NAA16: variants seen among roughly 807,000 people sequenced by gnomAD.
NAA16 encodes the protein N-alpha-acetyltransferase 16, NatA auxiliary subunit.
A neutral mutation model predicts 110.3 loss-of-function variants in NAA16; 97 were observed. The ratio of observed to expected loss-of-function variants is 0.88; its 90% confidence interval spans 0.75 to 1.04. The LOEUF (loss-of-function observed/expected upper bound fraction) is 1.04, where lower values mean the gene tolerates loss of function less well. Ranked by LOEUF, NAA16 falls within the 50% of genes least tolerant of loss-of-function variation. The pLI is 0.00. For synonymous variants in NAA16, 372 were observed against 330.6 expected, an observed-to-expected ratio of 1.13 and a Z score of -1.36; for missense variants, 1,017 against 1,005.1, an observed-to-expected ratio of 1.01 and a Z score of -0.16.
rs2043375772 is a variant in NAA16 at position 41,373,938 on chromosome 13, CAG to C, written c.2299+159_2299+160del. ...AAGTTATGTTCAATAATAGGGGAAA[CAG>C]GGATGGATTCACAGGATGTAATACC... On this transcript the variant is annotated intron_variant, in intron 18 of 19. Transcript: ENST00000379406. 14 of 1,198,894 alleles carry C rather than the reference CAG, an allele frequency of 1.2e-5. No homozygotes were observed. The South Asian group carries it at 1.3e-4, about 11-fold the overall frequency. The allele number at this position is 1,198,894 out of a possible 1,614,324, so 74.3% of individuals were successfully genotyped here. A position where few individuals can be genotyped will look rare whatever the true frequency, so the allele number is the denominator to read the frequency against.
At chr13:41,316,059 A>C (rs1372943166) in intron 1 of NAA16, among the ~76,000 whole-genome samples, 1 of 152,164 alleles carries the variant, frequency 6.6e-6, no homozygotes, top group Non-Finnish European at 1.5e-5. Flanking sequence ...GAATTAAAAA[A>C]TTCTGTGTAC....
intron 10 of NAA16, among the ~76,000 whole-genome samples, chr13:41,357,784 G>T (rs933586272): frequency 6.6e-6 from 1 of 152,122 alleles, no homozygotes; most frequent in African/African-American, 2.4e-5. Flanking sequence ...TTCTACTTAG[G>T]TTTTTGTCAG....
chr13:41,362,198 G>A (rs368225699), intron 13 of NAA16, 39 bp downstream of exon 13: 2 of 1,561,356 alleles, frequency 1.3e-6, no homozygotes, highest in African/African-American at 2.8e-5. Flanking sequence ...TTCACTGTAA[G>A]GTGATAAAAA....
chr13:41,346,214 C>G (rs764868513), intron 9 of NAA16, among the ~76,000 whole-genome samples: 2 of 152,176 alleles, frequency 1.3e-5, no homozygotes, highest in African/African-American at 2.4e-5. Context: ...TCCAGTTTTC[C>G]AGCACCATTC....
intron 4 of NAA16, among the ~76,000 whole-genome samples, chr13:41,322,613 T>G (rs780256075): frequency 3.9e-5 from 6 of 152,102 alleles, no homozygotes; most frequent in Non-Finnish European, 7.4e-5. Flanking sequence ...AAGGGATAAT[T>G]AGATGTTTGG....
At chr13:41,334,043 A>T (rs1566260652) in intron 8 of NAA16, among the ~76,000 whole-genome samples, 1 of 152,154 alleles carries the variant, frequency 6.6e-6, no homozygotes, top group East Asian at 1.9e-4. Context: ...GTGAATATAT[A>T]TAAAATTATG....
chr13:41,361,682 G>T (rs1031055214), intron 12 of NAA16, among the ~76,000 whole-genome samples: 1 of 152,210 alleles, frequency 6.6e-6, no homozygotes, highest in Non-Finnish European at 1.5e-5. Flanking sequence ...GGATGTACTA[G>T]ACAAAGGGAT....
chr13:41,347,489 G>A (rs890370037), intron 9 of NAA16, among the ~76,000 whole-genome samples: 8 of 152,010 alleles, frequency 5.3e-5, no homozygotes, highest in Non-Finnish European at 7.4e-5. Flanking sequence ...AACATGGGAT[G>A]TCTTTCTTTG....
chr13:41,311,560 G>A lies in NAA16; in HGVS notation c.32G>A (p.Ser11Asn), dbSNP rs373882635. Residue 11 changes from serine (S) to asparagine (N), a missense_variant, in exon 1 of 20, where the codon AGC becomes AAC. By Grantham distance (46) the Ser-to-Asn change is conservative (BLOSUM62 1). Transcript: ENST00000379406. ...AACGTGCTGCTGCCGCCCAAGGAGA[G>A]CAACCTCTTCAAACGCATCTTGGTG... MPNVLLPPKE[S>N]NLFKRILKCY... The A allele has an allele frequency of 1.8e-4, 284 of 1,608,736 alleles. No homozygotes were observed. Among genetic ancestry groups the A allele is most frequent in the Non-Finnish European group, 2.2e-4 (258 of 1,177,888 alleles).
intron 9 of NAA16, among the ~76,000 whole-genome samples, chr13:41,352,702 C>T (rs2042869537): frequency 6.6e-6 from 1 of 152,000 alleles, no homozygotes; most frequent in Non-Finnish European, 1.5e-5. Flanking sequence ...AAGAAGTATG[C>T]CTAATGAACC....
At chr13:41,322,284 A>G (rs1385942397) in intron 4 of NAA16, among the ~76,000 whole-genome samples, 1 of 152,170 alleles carries the variant, frequency 6.6e-6, no homozygotes, top group Non-Finnish European at 1.5e-5. Flanking sequence ...TGGTGGTCAA[A>G]GAACAAGGGT....
rs1409719326 is a variant in NAA16, at chr13:41,323,123, C to T, written c.470C>T (p.Ala157Val). The T allele has an allele frequency of 1.2e-6, 2 of 1,613,486 alleles. No homozygotes were observed. Among genetic ancestry groups the T allele is most frequent in the South Asian group, 1.1e-5 (1 of 91,072 alleles). ...QRASWIGYAI[A>V]YHLLKDYDMA... ...GCCTCCTGGATTGGATATGCTATTG[C>T]ATACCATTTGCTGAAAGATTATGAT... Residue 157 changes from alanine to valine, a missense_variant, in exon 5 of 20, where the codon GCA (alanine) becomes GTA (valine). Ala to Val is a moderately conservative substitution (Grantham distance 64, BLOSUM62 0). Transcript: ENST00000379406.
chr13:41,334,509 A>G (rs2042325727), intron 8 of NAA16, among the ~76,000 whole-genome samples: 1 of 152,222 alleles, frequency 6.6e-6, no homozygotes, highest in Admixed American at 6.5e-5. Flanking sequence ...TGATTATTTT[A>G]GGAATTCATG....
chr13:41,315,267 T>C (rs982774932), intron 1 of NAA16, among the ~76,000 whole-genome samples: 8 of 152,008 alleles, frequency 5.3e-5, no homozygotes, highest in Non-Finnish European at 1.0e-4. Flanking sequence ...GGAACACAAG[T>C]GTAGGAGGCC....
At position 41,325,685 on chromosome 13, in the gene NAA16, C is replaced by A; in HGVS notation, c.538-13C>A. 1 of 1,524,480 alleles carries A rather than the reference C, an allele frequency of 6.6e-7. No homozygotes were observed. The highest frequency in any genetic ancestry group is 1.2e-5 in the South Asian group (1 of 81,786). 94.4% of individuals were successfully genotyped at this position (1,524,480 alleles called of 1,614,324 possible). A position where few individuals can be genotyped will look rare whatever the true frequency, so the allele number is the denominator to read the frequency against. On this transcript the variant is annotated splice_polypyrimidine_tract_variant and intron_variant, in intron 5 of 19. Transcript: ENST00000379406. ...AATTATACAAATAAAGTAATTTGGTCATTTTTTTTCAGGTTCCTCCAAACA... is the reference window on the plus strand; with the variant it reads ...AATTATACAAATAAAGTAATTTGGTAATTTTTTTTCAGGTTCCTCCAAACA...
At chr13:41,342,039 C>A (rs866379492) in intron 9 of NAA16, among the ~76,000 whole-genome samples, 9 of 150,580 alleles carry the variant, frequency 6.0e-5, no homozygotes, top group South Asian at 4.2e-4. Flanking sequence ...TCACTGTGTT[C>A]GCCAGGATGG....
intron 1 of NAA16, among the ~76,000 whole-genome samples, chr13:41,311,824 C>G (rs1005451104): frequency 6.6e-6 from 1 of 152,246 alleles, no homozygotes; most frequent in East Asian, 1.9e-4. Context: ...CCCCGCCGCG[C>G]TCTTTCCAGA....
At chr13:41,326,087 T>C (rs2042087043) in intron 6 of NAA16, among the ~76,000 whole-genome samples, 3 of 152,174 alleles carry the variant, frequency 2.0e-5, no homozygotes, top group African/African-American at 7.2e-5. Context: ...TACAGTTTAG[T>C]AAACTGGAGA....
At chr13:41,372,044 T>C (rs1263700393) in intron 15 of NAA16, among the ~76,000 whole-genome samples, 159 bp from the exon 16 acceptor site, 2 of 152,230 alleles carry the variant, frequency 1.3e-5, no homozygotes, top group African/African-American at 4.8e-5. Context: ...TTGTGTACTT[T>C]GAATTTATTT....
Sources: gnomAD v4.1 joint callset for allele counts (sites outside exome capture counted in the v4.1 genomes callset) on GRCh38, gnomAD v4.1.1 for gene constraint, MANE v1.5 for transcripts, NCBI Gene and HGNC (gene_info 2026-07-23, HGNC 2026-07-21) for gene names.